The following LARP6 variants were observed in gnomAD, a reference collection of about 807,000 sequenced individuals.
LARP6 encodes the protein la-related protein 6.
Under a neutral mutation model 32.8 loss-of-function variants are expected in LARP6, and 18 were observed. The ratio of observed to expected loss-of-function variants is 0.55; its 90% CI spans 0.38 to 0.81. The LOEUF is 0.81. Ranked by LOEUF, LARP6 falls within the 40% of genes least tolerant of loss-of-function variation. The pLI is 0.00. For synonymous variants in LARP6, 289 were observed against 267.2 expected (o/e 1.08, Z -0.80); for missense variants, 598 against 663.1 (o/e 0.90, Z 1.08).
chr15:70,836,523 C>T lies in LARP6; in HGVS notation c.201-18G>A. 11 of 1,608,986 alleles carry T rather than the reference C, an allele frequency of 6.8e-6. No homozygotes were observed. Among genetic ancestry groups the T allele is most frequent in the Non-Finnish European group, 9.4e-6 (11 of 1,175,316 alleles). ...TGGTGCCACTGAGACCAGAAGGAGA[C>T]ACCGGGTGTTAGGGTCAACGTTGAA... is the stretch of plus-strand genomic sequence containing the variant. On this transcript the variant is annotated intron_variant, in intron 1 of 2. Transcript: ENST00000299213.
At chr15:70,848,198 G>A (rs980887380) in intron 1 of LARP6, among the ~76,000 whole-genome samples, 1 of 152,206 alleles carries the variant, frequency 6.6e-6, no homozygotes, top group Non-Finnish European at 1.5e-5. Context: ...GATGGTGCTA[G>A]CAGGGGGCAC....
intron 2 of LARP6, among the ~76,000 whole-genome samples, chr15:70,833,996 G>A (rs1045173710): frequency 6.6e-6 from 1 of 152,196 alleles, no homozygotes; most frequent in Non-Finnish European, 1.5e-5. Flanking sequence ...TTCCGGTGAA[G>A]GGAATGCCAG....
intron 2 of LARP6, among the ~76,000 whole-genome samples, chr15:70,835,574 C>T (rs181203247): frequency 9.2e-5 from 14 of 152,306 alleles, no homozygotes; most frequent in Middle Eastern, 3.4e-3. Flanking sequence ...ACAACTTGGC[C>T]GGGACCCACT....
intron 2 of LARP6, among the ~76,000 whole-genome samples, chr15:70,834,073 G>A (rs1417478368): frequency 1.3e-5 from 2 of 152,180 alleles, no homozygotes; most frequent in Non-Finnish European, 2.9e-5. Context: ...CCGTAATGGC[G>A]AGATCCCCCT....
chr15:70,852,142 T>A, intron 1 of LARP6: 1 of 355,040 alleles, frequency 2.8e-6, no homozygotes, highest in South Asian at 2.1e-5. Flanking sequence ...CGAGCCTGGG[T>A]CCAAACAGGG....
chr15:70,854,059 G>A lies in LARP6; in HGVS notation c.30C>T (p.Pro10=). 2 of 1,392,296 alleles carry A rather than the reference G, an allele frequency of 1.4e-6. No individual in the cohort carries two copies. The highest frequency in any genetic ancestry group is 1.5e-5 in the African/African-American group (1 of 67,172). The allele number at this position is 1,392,296 out of a possible 1,614,324, so 86.2% of individuals were successfully genotyped here. The change falls in exon 1 of 3, where the codon CCC becomes CCT. Residue 10 remains proline (P), a synonymous_variant. Coordinates refer to ENST00000299213, the MANE Select transcript of LARP6 (RefSeq NM_018357.4). ...GGATCTGCACCGCCGTCTTGGGCCC[G>A]GGCCGAGCCTCCCCGCCGGACTGGG... MAQSGGEAR[P]GPKTAVQIRV... is the part of the protein sequence containing the mutation.
intron 1 of LARP6, among the ~76,000 whole-genome samples, chr15:70,842,219 T>C (rs1047148423): frequency 1.3e-5 from 2 of 151,852 alleles, no homozygotes; most frequent in Non-Finnish European, 2.9e-5. Context: ...CTAATTTTTC[T>C]GTTTTTTTTG....
intron 1 of LARP6, among the ~76,000 whole-genome samples, chr15:70,839,921 G>T (rs561122613): frequency 6.6e-5 from 10 of 152,318 alleles, no homozygotes; most frequent in Admixed American, 3.3e-4. Flanking sequence ...AAGAGAATTG[G>T]CTTGGCCTGA....
At chr15:70,846,206 C>G (rs1465738472) in intron 1 of LARP6, among the ~76,000 whole-genome samples, 2 of 152,212 alleles carry the variant, frequency 1.3e-5, no homozygotes, top group Admixed American at 1.3e-4. Context: ...TGCCATATTA[C>G]ATGTTTTGAA....
intron 1 of LARP6, among the ~76,000 whole-genome samples, chr15:70,845,832 T>G (rs1310503859): frequency 1.3e-5 from 2 of 152,236 alleles, no homozygotes; most frequent in African/African-American, 2.4e-5. Flanking sequence ...CACATGAGGG[T>G]GAGCAGGCAG....
At chr15:70,837,542 C>T (rs965928298) in intron 1 of LARP6, among the ~76,000 whole-genome samples, 2 of 152,206 alleles carry the variant, frequency 1.3e-5, no homozygotes, top group Admixed American at 6.5e-5. Context: ...AGCAGAGTTA[C>T]TTGACCTTTC....
intron 1 of LARP6, among the ~76,000 whole-genome samples, chr15:70,845,510 C>A (rs1431683087): frequency 1.3e-5 from 2 of 152,184 alleles, no homozygotes; most frequent in African/African-American, 4.8e-5. Context: ...TAGATGCTAT[C>A]AACATGAATG....
Position 70,831,953 on chromosome 15 carries a change from C to G in LARP6, c.*99G>C. The G allele has an allele frequency of 2.4e-6, 2 of 825,008 alleles. No homozygotes were observed. Among genetic ancestry groups the G allele is most frequent in the East Asian group, 5.3e-5 (2 of 37,618 alleles). The allele number at this position is 825,008 out of a possible 1,614,324, so 51.1% of individuals were successfully genotyped here. ...AGGTCTACATGAATAAAAAATCTCT[C>G]AAAGGGGAACGAATTCCATTCTGTC... On this transcript the variant is annotated 3_prime_UTR_variant, in exon 3 of 3. Transcript: ENST00000299213.
At position 70,853,958 on chromosome 15, in the gene LARP6, C is replaced by T; in HGVS notation, c.131G>A (p.Gly44Glu). Reference protein sequence around the residue: ...EEEGAETRGAGDPARYLSPGW... With the variant: ...EEEGAETRGAEDPARYLSPGW... ...GGGGCTGAGGTACCGGGCCGGGTCC[C>T]CGGCGCCCCGAGTCTCCGCCCCCTC... The change falls in exon 1 of 3, where the codon GGG (glycine) becomes GAG (glutamate). Residue 44 changes from glycine to glutamate, a missense_variant. By Grantham distance (98) the Gly-to-Glu change is moderately conservative (BLOSUM62 -2). Coordinates refer to ENST00000299213, the MANE Select transcript of LARP6 (RefSeq NM_018357.4). 6.9e-7 allele frequency: 1 copy of T among 1,455,050 alleles called. No individual in the cohort carries two copies. The highest frequency in any genetic ancestry group is 1.3e-5 in the South Asian group (1 of 74,714). 90.1% of individuals were successfully genotyped at this position (1,455,050 alleles called of 1,614,324 possible).
rs1031076781 is a variant in LARP6 at position 70,833,626 on chromosome 15, C to G, written c.412-510G>C. Among the ~76,000 whole-genome samples, 10 of 152,186 alleles carry G rather than the reference C, an allele frequency of 6.6e-5. 1 individual carries two copies. Among genetic ancestry groups the G allele is most frequent in the African/African-American group, 2.2e-4 (9 of 41,434 alleles). On this transcript the variant is annotated intron_variant, in intron 2 of 2. Coordinates refer to ENST00000299213, the MANE Select transcript of LARP6 (RefSeq NM_018357.4). ...CATACAAACTCATTTACACATAAAA[C>G]AGAATAGTGTCTAGCTCACAGTGAG...
At chr15:70,851,408 G>C (rs2032445836) in intron 1 of LARP6, 1 of 1,166,858 alleles carries the variant, frequency 8.6e-7, no homozygotes, top group Non-Finnish European at 1.1e-6. Context: ...AAGGAGATGT[G>C]GGGAGATGAT....
chr15:70,834,280 C>G (rs1466053949), intron 2 of LARP6, among the ~76,000 whole-genome samples: 1 of 152,172 alleles, frequency 6.6e-6, no homozygotes, highest in Non-Finnish European at 1.5e-5. Context: ...AGCCTGTGGT[C>G]TCTGGGAGAA....
chr15:70,831,998 A>T lies in LARP6; in HGVS notation c.*54T>A. 1 of 1,290,040 alleles carries T rather than the reference A, an allele frequency of 7.8e-7. No homozygotes were observed. Among genetic ancestry groups the T allele is most frequent in the South Asian group, 1.7e-5 (1 of 57,264 alleles). 79.9% of individuals were successfully genotyped at this position (1,290,040 alleles called of 1,614,324 possible). A position where few individuals can be genotyped will look rare whatever the true frequency, so the allele number is the denominator to read the frequency against. ...TCTGTCATGCCAGGTGTTTGTCAGA[A>T]CCTTGAAAACGAAGGTGGTTTTCAG... On this transcript the variant is annotated 3_prime_UTR_variant, in exon 3 of 3. Transcript: ENST00000299213.
intron 2 of LARP6, among the ~76,000 whole-genome samples, chr15:70,834,667 C>G (rs1270228008): frequency 6.6e-6 from 1 of 152,220 alleles, no homozygotes; most frequent in East Asian, 1.9e-4. Context: ...CTGAATATCC[C>G]TCCTGAGCCA....
Sources: gnomAD v4.1 joint callset for allele counts (sites outside exome capture counted in the v4.1 genomes callset) on GRCh38, gnomAD v4.1.1 for gene constraint, MANE v1.5 for transcripts, NCBI Gene and HGNC (gene_info 2026-07-23, HGNC 2026-07-21) for gene names.